Variants in SH3BP1 observed in about 807,000 individuals in gnomAD.
The protein encoded by SH3BP1 is SH3 domain-binding protein 1.
Under a neutral mutation model 69.8 loss-of-function variants are expected in SH3BP1, and 46 were observed. That is an observed-to-expected ratio of 0.66 (90% CI 0.52 to 0.84). The LOEUF (loss-of-function observed/expected upper bound fraction) is 0.84. SH3BP1 is among the 40% of genes least tolerant of loss of function. SH3BP1 has a pLI of 0.00. For missense variants in SH3BP1, 868 were observed against 930.9 expected (o/e 0.93, Z 0.88); for synonymous variants, 403 against 378.0 (o/e 1.07, Z -0.77).
chr22:37,647,044 ACT>A, intron 11 of SH3BP1, 115 bp downstream of exon 11: 1 of 783,704 alleles, frequency 1.3e-6, no homozygotes, highest in Non-Finnish European at 2.0e-6. Context: ...GACTGAGGAC[ACT>A]CGGGTTCTTA....
chr22:37,643,134 C>G lies in SH3BP1; in HGVS notation c.433C>G (p.Leu145Val). 6.2e-7 allele frequency: 1 copy of G among 1,610,956 alleles called. No homozygotes were observed. The highest frequency in any genetic ancestry group is 8.5e-7 in the Non-Finnish European group (1 of 1,178,724). The change falls in exon 6 of 18, where the codon CTC (leucine) becomes GTC (valine). Residue 145 changes from leucine (L) to valine (V), a missense_variant. Around this residue, in one of 3 missense-constraint regions of SH3BP1, gnomAD observed 387 missense variants for 447.9 expected, o/e 0.86. Coordinates refer to ENST00000649765, the MANE Select transcript of SH3BP1 (RefSeq NM_018957.6). ...LPAILKHKKS[L>V]QKLVSDWNTL... ...AGCCATCCTCAAACACAAGAAAAGC[C>G]TCCAGAAGCTCGTGTCCGACTGGAA...
intron 10 of SH3BP1, among the ~76,000 whole-genome samples, 177 bp downstream of exon 10, chr22:37,645,687 G>T (rs574918261): frequency 6.6e-6 from 1 of 152,290 alleles, no homozygotes; most frequent in South Asian, 2.1e-4. Flanking sequence ...CAATGCTCGC[G>T]TGGGCCAAGC....
Position 37,655,900 on chromosome 22 carries a change from C to A in SH3BP1, c.*216C>A. On this transcript the variant is annotated 3_prime_UTR_variant, in exon 18 of 18. Coordinates refer to ENST00000649765, the MANE Select transcript of SH3BP1 (RefSeq NM_018957.6). ...GTCCACCCTGGGCTTGGGGACCCCCCCACCGGACTCTCCACTCTCCGGCAG... is the reference window on the plus strand; with the variant it reads ...GTCCACCCTGGGCTTGGGGACCCCCACACCGGACTCTCCACTCTCCGGCAG... 6.4e-7 allele frequency: 1 copy of A among 1,562,728 alleles called. No individual in the cohort carries two copies. The highest frequency in any genetic ancestry group is 8.6e-7 in the Non-Finnish European group (1 of 1,161,480).
intron 1 of SH3BP1, 62 bp downstream of exon 1, chr22:37,639,908 G>T (rs13055684): frequency 0.031 from 41,227 of 1,315,078 alleles, 2,418 homozygotes; most frequent in East Asian, 0.21. Flanking sequence ...GTCGTAAAAG[G>T]GTCGGGGGAG....
chr22:37,652,326 A>G (rs950603995), intron 16 of SH3BP1, among the ~76,000 whole-genome samples: 1 of 150,448 alleles, frequency 6.6e-6, no homozygotes, highest in Non-Finnish European at 1.5e-5. Flanking sequence ...AAAAAAAAAA[A>G]GATCACTTGG....
At chr22:37,654,632 G>T (rs1932966489) in intron 17 of SH3BP1, among the ~76,000 whole-genome samples, 2 of 151,804 alleles carry the variant, frequency 1.3e-5, no homozygotes, top group Admixed American at 1.3e-4. Flanking sequence ...GGGGTGGGAA[G>T]AAACCAGGGG....
chr22:37,655,079 G>A (rs1932980148), intron 17 of SH3BP1, among the ~76,000 whole-genome samples, 193 bp from the exon 18 acceptor site: 1 of 152,182 alleles, frequency 6.6e-6, no homozygotes, highest in Non-Finnish European at 1.5e-5. Flanking sequence ...CTCTAACTAG[G>A]GTGCTCGGGG....
chr22:37,644,687 T>C lies in SH3BP1; in HGVS notation c.669T>C (p.Tyr223=). The C allele has an allele frequency of 1.2e-6, 2 of 1,614,248 alleles. No individual in the cohort carries two copies. The highest frequency in any genetic ancestry group is 8.5e-7 in the Non-Finnish European group (1 of 1,180,034). The change falls in exon 8 of 18, where the codon TAT becomes TAC. Residue 223 remains tyrosine (Y), a synonymous_variant. Coordinates refer to ENST00000649765, the MANE Select transcript of SH3BP1 (RefSeq NM_018957.6). ...ACTTTGTTACCAAGGAGGACTCCTATGCCAACTACTTCATTCGTGTGAGTC... is the reference window on the plus strand; with the variant it reads ...ACTTTGTTACCAAGGAGGACTCCTACGCCAACTACTTCATTCGTGTGAGTC... The part of the protein sequence containing the change: ...LYHFVTKEDS[Y]ANYFIRLLEI...
At chr22:37,648,625 A>G in intron 14 of SH3BP1, 190 bp downstream of exon 14, 1 of 553,540 alleles carries the variant, frequency 1.8e-6, no homozygotes, top group Non-Finnish European at 3.2e-6. Flanking sequence ...GAGAGAGGCA[A>G]TTCTGGCATT....
chr22:37,643,116 C>G lies in SH3BP1; in HGVS notation c.415C>G (p.Leu139Val), dbSNP rs761270092. The G allele has an allele frequency of 1.9e-5, 30 of 1,611,668 alleles. No individual in the cohort carries two copies. Among genetic ancestry groups the G allele is most frequent in the Non-Finnish European group, 2.2e-5 (26 of 1,179,090 alleles). Residue 139 changes from leucine to valine, a missense_variant, in exon 6 of 18, where the codon CTC becomes GTC. By Grantham distance (32) the Leu-to-Val change is conservative. Coordinates refer to ENST00000649765, the MANE Select transcript of SH3BP1 (RefSeq NM_018957.6). ...RLSEEELPAI[L>V]KHKKSLQKLV... The stretch of plus-strand genomic sequence containing the variant: ...TCCCCAGGAGGAGCTGCCAGCCATC[C>G]TCAAACACAAGAAAAGCCTCCAGAA...
chr22:37,641,100 C>G, intron 1 of SH3BP1, 26 bp from the exon 2 acceptor site: 1 of 379,796 alleles, frequency 2.6e-6, no homozygotes, highest in Non-Finnish European at 3.4e-6. Context: ...AAGCACTCTC[C>G]CCCCCCCCCC....
intron 16 of SH3BP1, 112 bp from the exon 17 acceptor site, chr22:37,653,667 G>C (rs1932933706): frequency 1.3e-6 from 1 of 752,078 alleles, no homozygotes; most frequent in Non-Finnish European, 2.4e-6. Context: ...GAGTGATAGA[G>C]AGCGAGTGCT....
Position 37,642,621 on chromosome 22 carries a change from C to T in SH3BP1, c.284+6C>T. ...GACCCTGATTCCAGCATGGGGTGAG[C>T]ACAGACGGGGCCCAGCCCTCACCTG... On this transcript the variant is annotated splice_donor_region_variant and intron_variant, in intron 4 of 17. Coordinates refer to ENST00000649765, the MANE Select transcript of SH3BP1 (RefSeq NM_018957.6). 6.2e-7 allele frequency: 1 copy of T among 1,613,286 alleles called. No homozygotes were observed. The highest frequency in any genetic ancestry group is 1.1e-5 in the South Asian group (1 of 91,086).
chr22:37,650,430 G>T, intron 15 of SH3BP1, 112 bp from the exon 16 acceptor site: 1 of 1,503,482 alleles, frequency 6.7e-7, no homozygotes, highest in Admixed American at 2.1e-5. Context: ...ACGGGAGTGG[G>T]GAAGCTGAAC....
rs758316628 is a variant in SH3BP1, at chr22:37,644,617, C to T, written c.619-20C>T. The T allele has an allele frequency of 2.5e-6, 4 of 1,613,802 alleles. 1 individual carries two copies. The South Asian group carries it at 4.4e-5, about 18-fold the overall frequency. On this transcript the variant is annotated intron_variant, in intron 7 of 17. Transcript: ENST00000649765. ...CCCACAGCCTCACCCAACGTAAGCT[C>T]TCCCCTCTCTGTCCCCAAGGACGAG...
In SH3BP1 at chr22:37,653,821, C is replaced by T. The variant is rs763692340; in HGVS notation, c.1641C>T (p.Val547=). The T allele has an allele frequency of 1.2e-6, 2 of 1,613,732 alleles. No homozygotes were observed. Among genetic ancestry groups the T allele is most frequent in the Admixed American group, 1.7e-5 (1 of 59,996 alleles). ...EVPPRPASPK[V]TRSPPETAAP... ...CTCCCAGACCAGCCTCCCCCAAGGT[C>T]ACCAGGAGTCCCCCGGAGACAGCTG... Residue 547 remains valine (V), a synonymous_variant, in exon 17 of 18, where the codon GTC becomes GTT. Transcript: ENST00000649765.
chr22:37,645,231 A>G (rs1466518083), intron 9 of SH3BP1, 134 bp from the exon 10 acceptor site: 29 of 1,211,538 alleles, frequency 2.4e-5, no homozygotes, highest in African/African-American at 4.6e-5. Flanking sequence ...GAGAGATGTG[A>G]CGGATGATTT....
rs1459170793 is a variant in SH3BP1 at position 37,642,600 on chromosome 22, C to T, written c.269C>T (p.Pro90Leu). ...GCTGAGAGCTTCAAGGAGCTGGACCCTGATTCCAGCATGGGGTGAGCACAG... is the reference window on the plus strand; with the variant it reads ...GCTGAGAGCTTCAAGGAGCTGGACCTTGATTCCAGCATGGGGTGAGCACAG... Reference protein sequence around the residue: ...TMAESFKELDPDSSMGKALEM... With the variant: ...TMAESFKELDLDSSMGKALEM... Residue 90 changes from proline (P) to leucine (L), a missense_variant, in exon 4 of 18, where the codon CCT becomes CTT. Physicochemically the swap from Pro to Leu is moderately conservative, Grantham distance 98. Around this residue, in one of 3 missense-constraint regions of SH3BP1, gnomAD observed 387 missense variants for 447.9 expected, o/e 0.86. Coordinates refer to ENST00000649765, the MANE Select transcript of SH3BP1 (RefSeq NM_018957.6). 6.2e-7 allele frequency: 1 copy of T among 1,613,296 alleles called. No individual in the cohort carries two copies. Among genetic ancestry groups the T allele is most frequent in the South Asian group, 1.1e-5 (1 of 91,084 alleles).
Position 37,650,671 on chromosome 22 carries a change from C to T in SH3BP1, c.1544C>T (p.Pro515Leu), listed in dbSNP as rs146035915. Reference protein sequence around the residue: ...PTPATTPAPAPAPAPAPAPAL... With the variant: ...PTPATTPAPALAPAPAPAPAL... ...CCAGCCACCACCCCGGCTCCGGCTC[C>T]GGCTCCAGCTCCAGCTCCGGCCCCA... The change falls in exon 16 of 18, where the codon CCG becomes CTG. Residue 515 changes from proline (P) to leucine (L), a missense_variant. By Grantham distance (98) the Pro-to-Leu change is moderately conservative. Coordinates refer to ENST00000649765, the MANE Select transcript of SH3BP1 (RefSeq NM_018957.6). The T allele has an allele frequency of 9.9e-4, 1,591 of 1,613,894 alleles. 29 individuals are homozygous for T. The South Asian group carries it at 0.015, about 16-fold the overall frequency.
Sources: gnomAD v4.1 joint callset for allele counts (sites outside exome capture counted in the v4.1 genomes callset) on GRCh38, gnomAD v4.1.1 for gene constraint, gnomAD v4.1.1 regional missense constraint, MANE v1.5 for transcripts, NCBI Gene and HGNC (gene_info 2026-07-23, HGNC 2026-07-21) for gene names.